The following EYS variants were observed in gnomAD, a reference collection of about 807,000 sequenced individuals.
The protein encoded by EYS is EGF-like photoreceptor maintenance factor.
EYS carries 250 observed loss-of-function variants against 282.1 expected under a neutral mutation model. The observed-to-expected ratio is 0.89, with a 90% CI of 0.80 to 0.98. EYS has a LOEUF of 0.98. Among genes scored for constraint, EYS ranks in the 50% least tolerant of loss-of-function variants. The probability of loss-of-function intolerance (pLI) is 0.00; values close to 1 mark genes in which losing one functional copy is unlikely to be tolerated. For synonymous variants in EYS, 1,355 were observed against 1,282.9 expected (o/e 1.06, Z -1.20); for missense variants, 4,016 against 3,709.0 (o/e 1.08, Z -2.15).
chr6:65,279,409 A>C, intron 12 of EYS, among the ~76,000 whole-genome samples: 1 of 152,006 alleles, frequency 6.6e-6, no homozygotes. Context: ...ATCTTCTCCT[A>C]TTGCCTCACT....
At chr6:64,994,920 G>A (rs1042472845) in intron 14 of EYS, among the ~76,000 whole-genome samples, 3 of 152,064 alleles carry the variant, frequency 2.0e-5, no homozygotes, top group Non-Finnish European at 4.4e-5. Context: ...ATATTCCATC[G>A]GAAGGACCGG....
chr6:65,058,898 T>G (rs1436520107), intron 12 of EYS, among the ~76,000 whole-genome samples: 1 of 152,120 alleles, frequency 6.6e-6, no homozygotes, highest in African/African-American at 2.4e-5. Flanking sequence ...TAGCAAATTA[T>G]TTGAATGGAA....
intron 22 of EYS, among the ~76,000 whole-genome samples, chr6:64,660,441 C>A (rs1270073896): frequency 6.6e-6 from 1 of 151,962 alleles, no homozygotes; most frequent in Non-Finnish European, 1.5e-5. Flanking sequence ...AAGAGGAAGT[C>A]AAATTGTCCC....
At chr6:64,296,573 TATATATATATAC>T (rs1269918349) in intron 30 of EYS, among the ~76,000 whole-genome samples, 23 of 7,890 alleles carry the variant, frequency 2.9e-3, no homozygotes, top group African/African-American at 0.011. Flanking sequence ...TATATATATA[TATATATATATAC>T]ATATATATAT....
chr6:64,043,089 A>G (rs957369444), intron 33 of EYS, among the ~76,000 whole-genome samples: 10 of 152,230 alleles, frequency 6.6e-5, no homozygotes, highest in Non-Finnish European at 1.3e-4. Flanking sequence ...TAATCATCTT[A>G]AGAACTTTGT....
At chr6:64,176,650 C>T (rs1304286753) in intron 31 of EYS, among the ~76,000 whole-genome samples, 1 of 151,696 alleles carries the variant, frequency 6.6e-6, no homozygotes, top group Non-Finnish European at 1.5e-5. Context: ...GTGGATTTTA[C>T]CATGGAAAAA....
At chr6:65,366,629 C>T (rs760680337) in intron 8 of EYS, among the ~76,000 whole-genome samples, 2 of 151,556 alleles carry the variant, frequency 1.3e-5, no homozygotes, top group Non-Finnish European at 1.5e-5. Flanking sequence ...TTTCTTGAAG[C>T]CTTTGTGGAT....
At chr6:64,974,895 G>T (rs1200439225) in intron 14 of EYS, among the ~76,000 whole-genome samples, 1 of 151,746 alleles carries the variant, frequency 6.6e-6, no homozygotes, top group Non-Finnish European at 1.5e-5. Context: ...GGACTTCTTG[G>T]TGTGTGCATA....
intron 1 of EYS, among the ~76,000 whole-genome samples, chr6:65,660,356 T>C (rs1360874900): frequency 1.3e-5 from 2 of 151,860 alleles, no homozygotes; most frequent in African/African-American, 2.4e-5. Flanking sequence ...TTTTCTCTTG[T>C]ATTTATTTAA....
intron 1 of EYS, among the ~76,000 whole-genome samples, chr6:65,682,806 A>C (rs1768883014): frequency 6.6e-6 from 1 of 151,958 alleles, no homozygotes; most frequent in Non-Finnish European, 1.5e-5. Context: ...GGCCATGTAT[A>C]TAGTAAAAAG....
intron 5 of EYS, among the ~76,000 whole-genome samples, chr6:65,418,629 C>A (rs966409699): frequency 6.6e-6 from 1 of 152,018 alleles, no homozygotes; most frequent in Admixed American, 6.6e-5. Context: ...AACACAGGAG[C>A]AGGAAACCAA....
rs928099308 is a variant in EYS, at chr6:64,337,718, C to T, written c.6079-30636G>A. On this transcript the variant is annotated intron_variant, in intron 29 of 42. Coordinates refer to ENST00000503581, the MANE Select transcript of EYS (RefSeq NM_001142800.2). ...CCAATATCCCTGACGAATACAGATA[C>T]TAAAATCCTTAACAAAATACTAGCC... Among the ~76,000 whole-genome samples, 7 of 151,962 alleles carry T rather than the reference C, an allele frequency of 4.6e-5. No homozygotes were observed. The South Asian group carries it at 1.5e-3, about 31-fold the overall frequency.
At chr6:65,465,430 T>C (rs1008736396) in intron 5 of EYS, among the ~76,000 whole-genome samples, 2 of 152,068 alleles carry the variant, frequency 1.3e-5, no homozygotes, top group Admixed American at 1.3e-4. Flanking sequence ...TGAGCCACGA[T>C]TGTGCCGCTG....
intron 29 of EYS, among the ~76,000 whole-genome samples, chr6:64,382,948 C>A (rs1349886945): frequency 1.3e-5 from 2 of 151,998 alleles, no homozygotes; most frequent in African/African-American, 2.4e-5. Flanking sequence ...TTCTGCTGCT[C>A]CAGGGAGTGG....
rs151001503 is a variant in EYS, at chr6:64,812,711, C to T, written c.3443+667G>A. Among the ~76,000 whole-genome samples the T allele has an allele frequency of 2.6e-3, 390 of 151,998 alleles. 1 individual carries two copies. Among genetic ancestry groups the T allele is most frequent in the Non-Finnish European group, 3.6e-3 (242 of 67,882 alleles). On this transcript the variant is annotated intron_variant, in intron 22 of 42. Transcript: ENST00000503581. ...TCACAAATTTTAACTTAACATCATC[C>T]TAGCACAAATGAGACTGAAAGGAGG...
chr6:65,282,192 T>C (rs1407597955), intron 12 of EYS, among the ~76,000 whole-genome samples: 2 of 151,946 alleles, frequency 1.3e-5, no homozygotes, highest in African/African-American at 4.8e-5. Context: ...TAATAGAGTA[T>C]TAAATACATT....
intron 5 of EYS, among the ~76,000 whole-genome samples, chr6:65,472,316 A>G (rs1765245503): frequency 6.6e-6 from 1 of 152,100 alleles, no homozygotes; most frequent in Admixed American, 6.6e-5. Context: ...TGGCAGATCC[A>G]TGTTTTCTCT....
intron 31 of EYS, among the ~76,000 whole-genome samples, chr6:64,151,363 A>ATTTATATATATATAT (rs1491135650): frequency 8.0e-5 from 5 of 62,842 alleles, no homozygotes; most frequent in African/African-American, 2.8e-4. Flanking sequence ...ATATATATAT[A>ATTTATATATATATAT]ATTTTTTTTT....
chr6:64,647,465 T>C (rs1768395456), intron 22 of EYS, among the ~76,000 whole-genome samples: 1 of 152,170 alleles, frequency 6.6e-6, no homozygotes, highest in Admixed American at 6.5e-5. Context: ...ATTATGTTCA[T>C]GAAGAATACT....
Sources: allele counts gnomAD v4.1 joint callset (sites outside exome capture counted in the v4.1 genomes callset), GRCh38; gene constraint gnomAD v4.1.1; transcripts MANE v1.5; gene names NCBI Gene and HGNC (gene_info 2026-07-23, HGNC 2026-07-21).